The following EVA1C variants were observed in gnomAD, a reference collection of about 807,000 sequenced individuals.
EVA1C encodes eva-1 homolog C, also known as protein eva-1 homolog C.
Under a neutral mutation model 45.4 loss-of-function variants are expected in EVA1C, and 25 were observed. The observed-to-expected ratio is 0.55, with a 90% confidence interval of 0.40 to 0.77. EVA1C has a LOEUF of 0.77. Among genes scored for constraint, EVA1C ranks in the 30% least tolerant of loss-of-function variants. EVA1C has a pLI of 0.00. For missense variants in EVA1C, 479 were observed against 554.8 expected, an observed-to-expected ratio of 0.86 and a Z score of 1.37; for synonymous variants, 190 against 221.2, an observed-to-expected ratio of 0.86 and a Z score of 1.25.
intron 4 of EVA1C, 56 bp downstream of exon 4, chr21:32,467,904 G>GAA (rs1479091161): frequency 6.4e-6 from 7 of 1,085,556 alleles, no homozygotes; most frequent in Non-Finnish European, 8.5e-6. Context: ...AGAATTAATA[G>GAA]AATATATATA....
At chr21:32,465,952 T>G (rs922148433) in intron 3 of EVA1C, among the ~76,000 whole-genome samples, 1 of 152,230 alleles carries the variant, frequency 6.6e-6, no homozygotes, top group Non-Finnish European at 1.5e-5. Flanking sequence ...TCCCACCATC[T>G]CAGAAGTCTT....
chr21:32,473,250 A>G (rs1165676806), intron 4 of EVA1C, among the ~76,000 whole-genome samples: 1 of 152,156 alleles, frequency 6.6e-6, no homozygotes, highest in Non-Finnish European at 1.5e-5. Context: ...TGTTCCAACA[A>G]CACCTGTGTG....
At chr21:32,509,938 G>A (rs2037891332) in intron 7 of EVA1C, among the ~76,000 whole-genome samples, 1 of 151,984 alleles carries the variant, frequency 6.6e-6, no homozygotes, top group Non-Finnish European at 1.5e-5. Flanking sequence ...AAGTTCTCGG[G>A]AGTTGAACTT....
In EVA1C at chr21:32,457,605, G is replaced by A. The variant is rs1395317315; in HGVS notation, c.366G>A (p.Leu122=). ...CVAATTFQKV[L]DECQNQRACH... ...CTACCCTCTCCTTCTAGAAGGTGCT[G>A]GACGAATGCCAGAACCAGCGGGCCT... Residue 122 remains leucine (L), a synonymous_variant, in exon 3 of 8, where the codon CTG becomes CTA. Coordinates refer to ENST00000300255, the MANE Select transcript of EVA1C (RefSeq NM_058187.5). 1 of 1,614,168 alleles carries A rather than the reference G, an allele frequency of 6.2e-7. No homozygotes were observed. Among genetic ancestry groups the A allele is most frequent in the Non-Finnish European group, 8.5e-7 (1 of 1,180,040 alleles).
rs188302566 is a variant in EVA1C at position 32,453,237 on chromosome 21, C to A, written c.161-75C>A. ...AACAGCCCTTCCCCAGGGGAACCAA[C>A]GTCCTCCTGTCCCCAAACCCATGGA... On this transcript the variant is annotated intron_variant, in intron 1 of 7. Transcript: ENST00000300255. 49 of 1,089,520 alleles carry A rather than the reference C, an allele frequency of 4.5e-5. No homozygotes were observed. The African/African-American group carries it at 6.1e-4, about 13-fold the overall frequency. The allele number at this position is 1,089,520 out of a possible 1,614,324, so 67.5% of individuals were successfully genotyped here.
chr21:32,503,873 A>G, intron 6 of EVA1C, 53 bp from the exon 7 acceptor site: 1 of 1,279,514 alleles, frequency 7.8e-7, no homozygotes, highest in Non-Finnish European at 1.1e-6. Flanking sequence ...GTCTTAGAAT[A>G]GGCGTACTAT....
intron 7 of EVA1C, among the ~76,000 whole-genome samples, chr21:32,507,027 T>C (rs560774583): frequency 6.6e-6 from 1 of 152,276 alleles, no homozygotes; most frequent in East Asian, 1.9e-4. Flanking sequence ...GCAAGTAGCT[T>C]TGACACAGTA....
intron 4 of EVA1C, among the ~76,000 whole-genome samples, chr21:32,476,272 G>A (rs2146332321): frequency 6.6e-6 from 1 of 151,632 alleles, no homozygotes; most frequent in East Asian, 1.9e-4. Flanking sequence ...GTTTTGTTTT[G>A]TTTTGTTTTT....
intron 4 of EVA1C, among the ~76,000 whole-genome samples, chr21:32,476,230 G>A (rs1474506382): frequency 2.0e-5 from 3 of 151,536 alleles, no homozygotes; most frequent in Non-Finnish European, 4.4e-5. Context: ...TGCTTTTTCT[G>A]CTGTAATTAT....
At chr21:32,500,342 G>A (rs140080528) in intron 5 of EVA1C, among the ~76,000 whole-genome samples, 1 of 151,834 alleles carries the variant, frequency 6.6e-6, no homozygotes, top group African/African-American at 2.4e-5. Flanking sequence ...GTAGAGATGG[G>A]GTTTCGCCAT....
intron 4 of EVA1C, among the ~76,000 whole-genome samples, chr21:32,477,273 C>T (rs1462551232): frequency 1.3e-5 from 2 of 152,088 alleles, no homozygotes; most frequent in Admixed American, 6.5e-5. Flanking sequence ...CCCTCAAGGT[C>T]CCCCCAACTC....
chr21:32,507,556 G>A (rs201457632), intron 7 of EVA1C, among the ~76,000 whole-genome samples: 7 of 46,186 alleles, frequency 1.5e-4, no homozygotes, highest in South Asian at 1.5e-3. Flanking sequence ...GTATGTATGC[G>A]TGTTTTTGTG....
intron 7 of EVA1C, among the ~76,000 whole-genome samples, chr21:32,507,596 G>T (rs1331757316): frequency 6.6e-6 from 1 of 151,706 alleles, no homozygotes; most frequent in African/African-American, 2.4e-5. Context: ...GTGCATGTGT[G>T]TTTCTATGTG....
chr21:32,448,214 C>T (rs1230609016), intron 1 of EVA1C, among the ~76,000 whole-genome samples: 1 of 152,212 alleles, frequency 6.6e-6, no homozygotes, highest in Non-Finnish European at 1.5e-5. Context: ...GGCAGCCTGT[C>T]CTGCTGTCAC....
chr21:32,500,745 T>C (rs567622024), intron 5 of EVA1C, among the ~76,000 whole-genome samples: 1 of 152,216 alleles, frequency 6.6e-6, no homozygotes, highest in South Asian at 2.1e-4. Context: ...GTGTGCGTGG[T>C]TGGCTTCTTT....
At chr21:32,438,502 A>C (rs2035052135) in intron 1 of EVA1C, among the ~76,000 whole-genome samples, 1 of 151,134 alleles carries the variant, frequency 6.6e-6, no homozygotes, top group African/African-American at 2.4e-5. Context: ...AAAAAAAAAA[A>C]AAAAAACCAA....
chr21:32,461,550 T>A (rs928924487), intron 3 of EVA1C, among the ~76,000 whole-genome samples: 2 of 152,192 alleles, frequency 1.3e-5, no homozygotes, highest in Admixed American at 6.5e-5. Flanking sequence ...ACTGTGATTG[T>A]CCAAAGGCTG....
chr21:32,445,810 C>T (rs1327002319), intron 1 of EVA1C, among the ~76,000 whole-genome samples: 1 of 152,182 alleles, frequency 6.6e-6, no homozygotes, highest in Non-Finnish European at 1.5e-5. Flanking sequence ...CAGGATACTC[C>T]TTTGAGGAAG....
At chr21:32,441,178 C>T (rs1215256446) in intron 1 of EVA1C, among the ~76,000 whole-genome samples, 2 of 152,158 alleles carry the variant, frequency 1.3e-5, no homozygotes, top group Non-Finnish European at 1.5e-5. Context: ...GCTGGAGATA[C>T]AGCAATAAAT....
Sources: gnomAD v4.1 joint callset for allele counts (sites outside exome capture counted in the v4.1 genomes callset) on GRCh38, gnomAD v4.1.1 for gene constraint, MANE v1.5 for transcripts, NCBI Gene and HGNC (gene_info 2026-07-23, HGNC 2026-07-21) for gene names.